Variants in RYR2 observed in about 807,000 individuals in gnomAD.
RYR2 encodes ryanodine receptor 2.
In RYR2, 227 loss-of-function variants were observed where a neutral mutation model predicts 601.1. The observed-to-expected ratio is 0.38, with a 90% CI of 0.34 to 0.42. RYR2 has a LOEUF of 0.42. RYR2 is among the 10% of genes least tolerant of loss of function. The pLI is 1.00. For missense variants in RYR2, 4,646 were observed against 6,156.5 expected, an observed-to-expected ratio of 0.75 and a Z score of 8.21; for synonymous variants, 2,223 against 2,175.1, an observed-to-expected ratio of 1.02 and a Z score of -0.61.
intron 10 of RYR2, among the ~76,000 whole-genome samples, chr1:237,393,785 C>T (rs1331734155): frequency 1.3e-5 from 2 of 152,212 alleles, no homozygotes; most frequent in African/African-American, 4.8e-5. Flanking sequence ...CAAACTTAAA[C>T]TCCTTGCTGA....
rs371085581 is a variant in RYR2, at chr1:237,312,307, C to T, written c.169-18571C>T. Among the ~76,000 whole-genome samples the T allele has an allele frequency of 1.4e-4, 22 of 152,182 alleles. 1 individual carries two copies. The highest frequency in any genetic ancestry group is 4.1e-4 in the African/African-American group (17 of 41,512). On this transcript the variant is annotated intron_variant, in intron 2 of 104. Transcript: ENST00000366574. ...CATTATTTCATAGGCAAGCTGTTGC[C>T]GCAGAGATGTTAGAACCTGAATATA...
chr1:237,077,772 G>A (rs1187342901), intron 1 of RYR2, among the ~76,000 whole-genome samples: 14 of 152,176 alleles, frequency 9.2e-5, no homozygotes, highest in African/African-American at 2.7e-4. Context: ...TGCACCAAGC[G>A]GACCTAATAG....
intron 1 of RYR2, among the ~76,000 whole-genome samples, chr1:237,111,738 A>G (rs1170207692): frequency 6.6e-6 from 1 of 152,144 alleles, no homozygotes; most frequent in African/African-American, 2.4e-5. Context: ...ATTTTTGCCT[A>G]TCCTGCAAGG....
rs373060833 is a variant in RYR2 at position 237,568,415 on chromosome 1, A to G, written c.3424-730A>G. Among the ~76,000 whole-genome samples, 4 of 152,228 alleles carry G rather than the reference A, an allele frequency of 2.6e-5. No individual in the cohort carries two copies. In the East Asian group the frequency reaches 5.8e-4, roughly 22 times the overall value. On this transcript the variant is annotated intron_variant, in intron 28 of 104. Coordinates refer to ENST00000366574, the MANE Select transcript of RYR2 (RefSeq NM_001035.3). The stretch of plus-strand genomic sequence containing the variant: ...ATAACTCAGGTGTGCTTATGAATCA[A>G]CGGAATATACTTGTAGATGCAAAAG...
chr1:237,426,190 A>C (rs1393906253), intron 12 of RYR2, among the ~76,000 whole-genome samples: 1 of 152,230 alleles, frequency 6.6e-6, no homozygotes, highest in Non-Finnish European at 1.5e-5. Flanking sequence ...GTTCTGGGTT[A>C]TACCGAATGG....
intron 8 of RYR2, among the ~76,000 whole-genome samples, chr1:237,382,737 G>A (rs1701636006): frequency 1.3e-5 from 2 of 152,046 alleles, no homozygotes; most frequent in African/African-American, 2.4e-5. Context: ...GCCTCAAGTT[G>A]TGTGAAAATA....
intron 8 of RYR2, among the ~76,000 whole-genome samples, chr1:237,379,861 G>T (rs1285724808): frequency 6.6e-6 from 1 of 152,122 alleles, no homozygotes; most frequent in Admixed American, 6.5e-5. Context: ...AGCCAACCAG[G>T]TTGTTAAAAT....
At chr1:237,071,120 A>C (rs1179721718) in intron 1 of RYR2, among the ~76,000 whole-genome samples, 1 of 152,326 alleles carries the variant, frequency 6.6e-6, no homozygotes, top group East Asian at 1.9e-4. Context: ...GAGGAGCTTC[A>C]TTGAGTAAAA....
chr1:237,133,142 C>T (rs1672334405), intron 1 of RYR2, among the ~76,000 whole-genome samples: 3 of 152,088 alleles, frequency 2.0e-5, no homozygotes, highest in African/African-American at 4.8e-5. Context: ...GTTCAGGGGC[C>T]AGACAAGTCT....
At chr1:237,702,121 T>C in intron 66 of RYR2, 62 bp downstream of exon 66, 1 of 899,742 alleles carries the variant, frequency 1.1e-6, no homozygotes, top group East Asian at 2.6e-5. Flanking sequence ...AACTATTTAT[T>C]TCAAGAATCT....
intron 39 of RYR2, among the ~76,000 whole-genome samples, chr1:237,624,429 G>A (rs1679426656): frequency 6.6e-6 from 1 of 152,188 alleles, no homozygotes. Flanking sequence ...CCTGGTGGTG[G>A]TGATGGTTTC....
At chr1:237,527,367 T>C (rs1366247750) in intron 24 of RYR2, among the ~76,000 whole-genome samples, 1 of 152,234 alleles carries the variant, frequency 6.6e-6, no homozygotes, top group African/African-American at 2.4e-5. Flanking sequence ...TCTGGAATAA[T>C]GTTTGACTAA....
At chr1:237,551,941 G>C (rs1670447078) in intron 27 of RYR2, among the ~76,000 whole-genome samples, 1 of 152,124 alleles carries the variant, frequency 6.6e-6, no homozygotes, top group Admixed American at 6.5e-5. Context: ...GGCAGGTGTA[G>C]GATCCTAATC....
chr1:237,569,366 A>C (rs1238756431), intron 29 of RYR2, 47 bp downstream of exon 29: 3 of 1,573,634 alleles, frequency 1.9e-6, no homozygotes, highest in Non-Finnish European at 1.7e-6. Context: ...CAGCACAAGG[A>C]AGCTTTCATC....
chr1:237,590,258 G>A (rs551995262), intron 30 of RYR2, among the ~76,000 whole-genome samples: 1 of 150,510 alleles, frequency 6.6e-6, no homozygotes, highest in Admixed American at 6.6e-5. Flanking sequence ...CTCAGACTAT[G>A]TCTGGGGTTT....
intron 8 of RYR2, among the ~76,000 whole-genome samples, chr1:237,380,393 T>TTGTA (rs1558718107): frequency 4.9e-5 from 2 of 40,688 alleles, no homozygotes; most frequent in African/African-American, 8.6e-5. Context: ...TATATATATA[T>TTGTA]ATATATATAT....
chr1:237,316,604 C>T (rs1572579207), intron 2 of RYR2, among the ~76,000 whole-genome samples: 1 of 152,128 alleles, frequency 6.6e-6, no homozygotes, highest in Non-Finnish European at 1.5e-5. Context: ...ATGGCAGCAC[C>T]ATCTGTGCGT....
intron 17 of RYR2, among the ~76,000 whole-genome samples, chr1:237,479,282 C>T (rs1661760647): frequency 6.6e-6 from 1 of 152,202 alleles, no homozygotes; most frequent in Admixed American, 6.5e-5. Context: ...TACCATTCTG[C>T]ACACAGTGCC....
At chr1:237,264,513 A>G (rs879276720) in intron 1 of RYR2, among the ~76,000 whole-genome samples, 28 of 152,126 alleles carry the variant, frequency 1.8e-4, no homozygotes, top group Admixed American at 8.5e-4. Flanking sequence ...AAAGTGGGCA[A>G]TTCAATGAAA....
Sources: allele counts gnomAD v4.1 joint callset (sites outside exome capture counted in the v4.1 genomes callset), GRCh38; gene constraint gnomAD v4.1.1; transcripts MANE v1.5; gene names NCBI Gene and HGNC (gene_info 2026-07-23, HGNC 2026-07-21).